SCAF4: variants seen among roughly 807,000 people sequenced by gnomAD.
SCAF4 encodes the protein SR-related CTD associated factor 4.
A neutral mutation model predicts 129.8 loss-of-function variants in SCAF4; 25 were observed. The observed-to-expected ratio is 0.19, with a 90% CI of 0.14 to 0.27. The LOEUF (loss-of-function observed/expected upper bound fraction) is 0.27, where lower values mean the gene tolerates loss of function less well. Ranked by LOEUF, SCAF4 falls within the 10% of genes least tolerant of loss-of-function variation. The pLI, the probability that SCAF4 is intolerant of heterozygous loss-of-function variation, is 1.00. For synonymous variants in SCAF4, 551 were observed against 497.7 expected (o/e 1.11, Z -1.43); for missense variants, 1,246 against 1,457.1 (o/e 0.86, Z 2.36).
chr21:31,673,688 G>A (rs895389913), intron 19 of SCAF4, among the ~76,000 whole-genome samples: 3 of 152,238 alleles, frequency 2.0e-5, no homozygotes, highest in Admixed American at 6.5e-5. Flanking sequence ...GGCAACAGAA[G>A]CACATGTCCT....
In SCAF4 at chr21:31,695,011, T is replaced by C. The variant is rs746617168; in HGVS notation, c.1069-31A>G. 1.3e-5 allele frequency: 21 copies of C among 1,559,774 alleles called. No homozygotes were observed. The Admixed American group carries it at 3.8e-4, about 29-fold the overall frequency. On this transcript the variant is annotated intron_variant, in intron 9 of 19. Coordinates refer to ENST00000286835, the MANE Select transcript of SCAF4 (RefSeq NM_020706.2). Reference sequence around the variant, plus strand: ...ATTTTTAAAGAAAGTGTATGAGTAATAGCTATCAAAATAATTTGGAAAACC... The same window carrying C: ...ATTTTTAAAGAAAGTGTATGAGTAACAGCTATCAAAATAATTTGGAAAACC...
intron 19 of SCAF4, among the ~76,000 whole-genome samples, chr21:31,673,369 T>C (rs948179444): frequency 2.1e-5 from 3 of 144,944 alleles, no homozygotes; most frequent in Non-Finnish European, 3.0e-5. Context: ...GAACATGCTA[T>C]TTACCCATGT....
chr21:31,691,750 T>C (rs1333773758), intron 14 of SCAF4, 67 bp downstream of exon 14: 4 of 660,294 alleles, frequency 6.1e-6, no homozygotes, highest in Non-Finnish European at 7.3e-6. Context: ...TTAGTTTTTA[T>C]ATGCCACATA....
chr21:31,677,955 G>A (rs2049900481), intron 19 of SCAF4, among the ~76,000 whole-genome samples: 1 of 152,046 alleles, frequency 6.6e-6, no homozygotes, highest in African/African-American at 2.4e-5. Context: ...AGAGTTTCTG[G>A]CACGTGGAAC....
intron 7 of SCAF4, among the ~76,000 whole-genome samples, chr21:31,700,062 G>A (rs778913117): frequency 6.6e-6 from 1 of 151,822 alleles, no homozygotes; most frequent in East Asian, 1.9e-4. Flanking sequence ...CTGGGGCCAA[G>A]CAACCCACCC....
chr21:31,717,944 CACAT>C (rs749385606), intron 1 of SCAF4, among the ~76,000 whole-genome samples: 4,741 of 124,998 alleles, frequency 0.038, 102 homozygotes, highest in Non-Finnish European at 0.045. Context: ...CACACACACA[CACAT>C]ATATATTTTT....
At chr21:31,673,177 T>C (rs1460709629) in intron 19 of SCAF4, among the ~76,000 whole-genome samples, 3 of 152,194 alleles carry the variant, frequency 2.0e-5, no homozygotes, top group Non-Finnish European at 4.4e-5. Context: ...TTGCTCATAC[T>C]GATATAAGAG....
intron 5 of SCAF4, 26 bp from the exon 6 acceptor site, chr21:31,701,944 C>CT: frequency 2.5e-6 from 4 of 1,599,658 alleles, no homozygotes; most frequent in African/African-American, 1.4e-5. Context: ...GCATTAAGGC[C>CT]TAAAAAAAAA....
chr21:31,684,868 C>T (rs1368371645), intron 19 of SCAF4, 181 bp downstream of exon 19: 1 of 574,058 alleles, frequency 1.7e-6, no homozygotes, highest in Non-Finnish European at 3.1e-6. Context: ...ACATATTTGA[C>T]TTTAAGAGGA....
intron 12 of SCAF4, 54 bp from the exon 13 acceptor site, chr21:31,692,503 T>C (rs2050282940): frequency 8.6e-6 from 10 of 1,158,856 alleles, no homozygotes; most frequent in Non-Finnish European, 1.1e-5. Flanking sequence ...TGAGCAGCAC[T>C]GTAGCTTACA....
At chr21:31,716,827 C>T (rs1174409577) in intron 1 of SCAF4, among the ~76,000 whole-genome samples, 8 of 151,862 alleles carry the variant, frequency 5.3e-5, no homozygotes, top group Non-Finnish European at 8.8e-5. Flanking sequence ...TATAATGGGG[C>T]GAGGAAAGAA....
intron 8 of SCAF4, 29 bp downstream of exon 8, chr21:31,696,540 T>C: frequency 6.4e-7 from 1 of 1,552,710 alleles, no homozygotes; most frequent in Non-Finnish European, 8.7e-7. Flanking sequence ...CAATTTTCTA[T>C]CTGCTGAGGA....
At chr21:31,676,891 T>C (rs1000694083) in intron 19 of SCAF4, among the ~76,000 whole-genome samples, 1 of 152,112 alleles carries the variant, frequency 6.6e-6, no homozygotes, top group Non-Finnish European at 1.5e-5. Flanking sequence ...AGCAACCACA[T>C]AATGTTTTCT....
chr21:31,694,607 A>G (rs182877313), intron 10 of SCAF4, among the ~76,000 whole-genome samples: 100 of 152,342 alleles, frequency 6.6e-4, no homozygotes, highest in South Asian at 1.7e-3. Context: ...TCAACACTCT[A>G]TATCAAACCT....
chr21:31,681,335 C>T (rs1378240430), intron 19 of SCAF4, among the ~76,000 whole-genome samples: 1 of 152,172 alleles, frequency 6.6e-6, no homozygotes, highest in African/African-American at 2.4e-5. Context: ...ATACTGGTAA[C>T]ACAGTACAGA....
At chr21:31,717,208 C>A (rs902814302) in intron 1 of SCAF4, among the ~76,000 whole-genome samples, 1 of 152,072 alleles carries the variant, frequency 6.6e-6, no homozygotes, top group East Asian at 1.9e-4. Context: ...AATGTCCATA[C>A]CTTTTGAACC....
At chr21:31,716,114 A>T (rs1971990557) in intron 1 of SCAF4, among the ~76,000 whole-genome samples, 1 of 152,156 alleles carries the variant, frequency 6.6e-6, no homozygotes, top group South Asian at 2.1e-4. Flanking sequence ...ATACTAATCT[A>T]AGCCATCTTT....
In SCAF4 at chr21:31,690,786, T is replaced by C. The variant is rs997257072; in HGVS notation, c.1885+11A>G. The C allele has an allele frequency of 6.2e-7, 1 of 1,605,878 alleles. No individual in the cohort carries two copies. The highest frequency in any genetic ancestry group is 8.5e-7 in the Non-Finnish European group (1 of 1,176,666). Reference sequence around the variant, plus strand: ...TAAGTGAACTGTAAGAGAAATTAAATACTGCTTTACCTGGGTTAAGTGTGT... The same window carrying C: ...TAAGTGAACTGTAAGAGAAATTAAACACTGCTTTACCTGGGTTAAGTGTGT... On this transcript the variant is annotated intron_variant, in intron 15 of 19. Transcript: ENST00000286835.
rs536629405 is a variant in SCAF4 at position 31,716,828 on chromosome 21, G to A, written c.31-10471C>T. Reference sequence around the variant, plus strand: ...TTAATATCAGGTAATATAATGGGGCGAGGAAAGAAAGCCAATCACATGTTA... The same window carrying A: ...TTAATATCAGGTAATATAATGGGGCAAGGAAAGAAAGCCAATCACATGTTA... On this transcript the variant is annotated intron_variant, in intron 1 of 19. Transcript: ENST00000286835. Among the ~76,000 whole-genome samples, 3 of 152,048 alleles carry A rather than the reference G, an allele frequency of 2.0e-5. No individual in the cohort carries two copies. In the South Asian group the frequency reaches 6.2e-4, roughly 32 times the overall value.
Sources: allele counts gnomAD v4.1 joint callset (sites outside exome capture counted in the v4.1 genomes callset), GRCh38; gene constraint gnomAD v4.1.1; transcripts MANE v1.5; gene names NCBI Gene and HGNC (gene_info 2026-07-23, HGNC 2026-07-21).